Variants in SYNE3 observed in about 807,000 individuals in gnomAD.
SYNE3 encodes nesprin-3.
In SYNE3, 100 loss-of-function variants were observed where a neutral mutation model predicts 111.2. The ratio of observed to expected loss-of-function variants is 0.90; its 90% CI spans 0.77 to 1.06. SYNE3 has a LOEUF of 1.06. SYNE3 is among the 50% of genes least tolerant of loss of function. SYNE3 has a pLI of 0.00. For synonymous variants in SYNE3, 547 were observed against 533.9 expected (o/e 1.02, Z -0.34); for missense variants, 1,160 against 1,240.3 (o/e 0.94, Z 0.97).
chr14:95,495,211 T>C (rs1025438025), intron 1 of SYNE3, among the ~76,000 whole-genome samples: 2 of 152,244 alleles, frequency 1.3e-5, no homozygotes, highest in Non-Finnish European at 2.9e-5. Context: ...CAATGTCTAA[T>C]GAACTGTGAG....
In SYNE3 at chr14:95,500,943, T is replaced by C. The variant is rs1308847789; in HGVS notation, c.-15+15653A>G. Among the ~76,000 whole-genome samples, 1 of 152,260 alleles carries C rather than the reference T, an allele frequency of 6.6e-6. No homozygotes were observed. The highest frequency in any genetic ancestry group is 1.5e-5 in the Non-Finnish European group (1 of 68,042). The stretch of plus-strand genomic sequence containing the variant: ...AGGCACAAAATCCCGTCTGACTTTC[T>C]AAAATATTTTCTCTCTCCTCTCAGA... On this transcript the variant is annotated intron_variant, in intron 1 of 17. Transcript: ENST00000682763. This position sits in a 1 kb window ranked among gnomAD's most constrained non-coding sequence, Gnocchi z 4.7.
At chr14:95,491,402 G>A (rs898214189) in intron 1 of SYNE3, among the ~76,000 whole-genome samples, 3 of 152,304 alleles carry the variant, frequency 2.0e-5, no homozygotes, top group African/African-American at 4.8e-5. Flanking sequence ...ATGACTCACA[G>A]AGAAAGAAAC....
At chr14:95,460,840 G>A (rs1458753506) in intron 4 of SYNE3, among the ~76,000 whole-genome samples, 4 of 152,234 alleles carry the variant, frequency 2.6e-5, no homozygotes, top group East Asian at 1.9e-4. Context: ...GCCCCTGGCC[G>A]CGCTGATGGT....
chr14:95,515,705 G>A (rs1385569219), intron 1 of SYNE3, among the ~76,000 whole-genome samples: 2 of 152,214 alleles, frequency 1.3e-5, no homozygotes, highest in Admixed American at 6.5e-5. Context: ...GCAGGGATAA[G>A]GGTGACCCTT....
chr14:95,476,454 G>A (rs973251380), intron 1 of SYNE3, among the ~76,000 whole-genome samples: 8 of 152,208 alleles, frequency 5.3e-5, no homozygotes, highest in Non-Finnish European at 1.0e-4. Flanking sequence ...CACTGAAAAC[G>A]AACATAATGC....
At position 95,452,363 on chromosome 14, in the gene SYNE3, GGCCAGC is replaced by G; in HGVS notation, c.1152_1157del (p.Leu385_Ala386del). 1 of 1,611,690 alleles carries G rather than the reference GGCCAGC, an allele frequency of 6.2e-7. No homozygotes were observed. Among genetic ancestry groups the G allele is most frequent in the Non-Finnish European group, 8.5e-7 (1 of 1,179,330 alleles). Reference sequence around the variant, plus strand: ...GCCGGTCCACCCGGGGCTCCTCCGAGGCCAGCGCCGCCCGTGTTGCCTGCAGCACAT... The same window carrying G: ...GCCGGTCCACCCGGGGCTCCTCCGAGGCCGCCCGTGTTGCCTGCAGCACAT... On this transcript the variant is annotated inframe_deletion, in exon 7 of 18. Transcript: ENST00000682763.
intron 1 of SYNE3, among the ~76,000 whole-genome samples, chr14:95,491,558 G>A (rs1362925860): frequency 4.6e-5 from 7 of 151,972 alleles, no homozygotes; most frequent in South Asian, 2.1e-4. Flanking sequence ...ACATCACACC[G>A]TATACTAAAA....
intron 17 of SYNE3, among the ~76,000 whole-genome samples, chr14:95,430,528 A>T (rs1481908625): frequency 6.6e-6 from 1 of 152,242 alleles, no homozygotes; most frequent in Non-Finnish European, 1.5e-5. Context: ...GTTGCCATTA[A>T]TAGTTCCATT....
intron 6 of SYNE3, among the ~76,000 whole-genome samples, chr14:95,452,772 A>G (rs977389040): frequency 1.3e-5 from 2 of 152,216 alleles, no homozygotes; most frequent in African/African-American, 4.8e-5. Flanking sequence ...CCGTGTCCCA[A>G]TGTTATTTAC....
chr14:95,491,408 GA>G (rs1889843512), intron 1 of SYNE3, among the ~76,000 whole-genome samples: 1 of 152,134 alleles, frequency 6.6e-6, no homozygotes, highest in Admixed American at 6.6e-5. Context: ...CACAGAGAAA[GA>G]AACAATCAAC....
chr14:95,449,820 C>A, intron 8 of SYNE3, 111 bp downstream of exon 8: 1 of 1,461,968 alleles, frequency 6.8e-7, no homozygotes, highest in Admixed American at 2.3e-5. Context: ...TGAGCTCTCC[C>A]CAGATATCCG....
intron 2 of SYNE3, among the ~76,000 whole-genome samples, chr14:95,471,377 T>G (rs566865515): frequency 6.6e-6 from 1 of 152,230 alleles, no homozygotes; most frequent in East Asian, 1.9e-4. Flanking sequence ...CTTCTTATCC[T>G]CATGAAAGAG....
intron 1 of SYNE3, among the ~76,000 whole-genome samples, chr14:95,514,086 T>C (rs557946428): frequency 1.2e-3 from 186 of 152,166 alleles, no homozygotes; most frequent in African/African-American, 4.3e-3. Context: ...TTTGAGTCCC[T>C]CTGTAGGCTT....
chr14:95,502,199 G>A (rs569761645), intron 1 of SYNE3, among the ~76,000 whole-genome samples: 1 of 152,030 alleles, frequency 6.6e-6, no homozygotes, highest in Non-Finnish European at 1.5e-5. Context: ...GGGACAGTTG[G>A]TCACACCAAC....
At position 95,407,787 on chromosome 14, in the gene SYNE3, A is replaced by G. The variant is rs899010455; in HGVS notation, c.*10039T>C. 2 of 152,178 alleles carry G rather than the reference A, an allele frequency of 1.3e-5. No homozygotes were observed. The highest frequency in any genetic ancestry group is 1.9e-4 in the East Asian group (1 of 5,182). 9.4% of individuals were successfully genotyped at this position (152,178 alleles called of 1,614,324 possible). On this transcript the variant is annotated 3_prime_UTR_variant, in exon 18 of 18. Coordinates refer to ENST00000682763, the MANE Select transcript of SYNE3 (RefSeq NM_152592.6). ...AACACACACACACAGACACACACACACACACACACACACCCCATGCCATTG... is the reference window on the plus strand; with the variant it reads ...AACACACACACACAGACACACACACGCACACACACACACCCCATGCCATTG...
chr14:95,423,327 T>C (rs1288987772), intron 17 of SYNE3, among the ~76,000 whole-genome samples: 1 of 151,984 alleles, frequency 6.6e-6, no homozygotes, highest in Non-Finnish European at 1.5e-5. Context: ...CTTCCTCTCC[T>C]CCCGCCACTT....
chr14:95,508,223 C>G (rs1296611354), intron 1 of SYNE3, among the ~76,000 whole-genome samples: 1 of 152,200 alleles, frequency 6.6e-6, no homozygotes, highest in African/African-American at 2.4e-5. Flanking sequence ...ATCAGAGCAT[C>G]CTTCATTGGG....
At chr14:95,486,132 G>A (rs1792309018) in intron 1 of SYNE3, among the ~76,000 whole-genome samples, 1 of 152,078 alleles carries the variant, frequency 6.6e-6, no homozygotes, top group Admixed American at 6.5e-5. Context: ...GCCCATAGAT[G>A]AAATCTCCAG....
intron 17 of SYNE3, among the ~76,000 whole-genome samples, chr14:95,427,309 G>A (rs12881370): frequency 0.12 from 18,986 of 152,118 alleles, 1,243 homozygotes; most frequent in Non-Finnish European, 0.15. Context: ...ACTGGGAAAC[G>A]GAGTCTCCCT....
Sources: allele counts gnomAD v4.1 joint callset (sites outside exome capture counted in the v4.1 genomes callset), GRCh38; gene constraint gnomAD v4.1.1; non-coding constraint Gnocchi (gnomAD v3.1); transcripts MANE v1.5; gene names NCBI Gene and HGNC (gene_info 2026-07-23, HGNC 2026-07-21).